The following WDFY1 variants were observed in gnomAD, a reference collection of about 807,000 sequenced individuals.
The protein encoded by WDFY1 is WD repeat and FYVE domain-containing protein 1.
WDFY1 carries 32 observed loss-of-function variants against 56.4 expected under a neutral mutation model. The observed-to-expected ratio is 0.57, with a 90% CI of 0.43 to 0.76. WDFY1 has a LOEUF of 0.76. Ranked by LOEUF, WDFY1 falls within the 30% of genes least tolerant of loss-of-function variation. The pLI, the probability that WDFY1 is intolerant of heterozygous loss-of-function variation, is 0.00. For missense variants in WDFY1, 480 were observed against 545.7 expected (o/e 0.88, Z 1.20); for synonymous variants, 192 against 197.3 (o/e 0.97, Z 0.23).
chr2:223,918,357 G>A (rs547714), intron 1 of WDFY1, among the ~76,000 whole-genome samples: 131,547 of 152,178 alleles, frequency 0.86, 57,332 homozygotes, highest in Non-Finnish European at 0.93. Context: ...GGCCAGGCGC[G>A]GTGGCTCACG....
intron 2 of WDFY1, among the ~76,000 whole-genome samples, chr2:223,912,681 C>T (rs990579671): frequency 3.9e-5 from 6 of 152,144 alleles, no homozygotes; most frequent in African/African-American, 1.4e-4. Context: ...CCCGCCCCTG[C>T]CACCCTTCCC....
intron 3 of WDFY1, among the ~76,000 whole-genome samples, chr2:223,906,534 T>TTTTA (rs146340023): frequency 2.1e-4 from 32 of 152,208 alleles, no homozygotes; most frequent in Non-Finnish European, 2.6e-4. Context: ...ATTTTCCAAA[T>TTTTA]TTTATTTATT....
chr2:223,908,115 C>T (rs1177158961), intron 3 of WDFY1, among the ~76,000 whole-genome samples: 1 of 152,132 alleles, frequency 6.6e-6, no homozygotes, highest in African/African-American at 2.4e-5. Context: ...CTAAGCCTCC[C>T]AAAGTGCTGA....
chr2:223,897,194 C>T (rs1007465716), intron 6 of WDFY1, among the ~76,000 whole-genome samples: 19 of 151,738 alleles, frequency 1.3e-4, no homozygotes, highest in Non-Finnish European at 2.8e-4. Context: ...ATCATTGATT[C>T]TTTCAGCAAC....
In WDFY1 at chr2:223,878,385, T is replaced by G. The variant is rs1284109719; in HGVS notation, c.*286A>C. 1 of 285,318 alleles carries G rather than the reference T, an allele frequency of 3.5e-6. No individual in the cohort carries two copies. The highest frequency in any genetic ancestry group is 5.1e-5 in the Admixed American group (1 of 19,728). The allele number at this position is 285,318 out of a possible 1,614,324, so 17.7% of individuals were successfully genotyped here. A position where few individuals can be genotyped will look rare whatever the true frequency, so the allele number is the denominator to read the frequency against. ...GATTTTTTGTCCCCGCTAAAACTCATTTGCTAGCTCATTCTTTCACTACAC... is the reference window on the plus strand; with the variant it reads ...GATTTTTTGTCCCCGCTAAAACTCAGTTGCTAGCTCATTCTTTCACTACAC... On this transcript the variant is annotated 3_prime_UTR_variant, in exon 12 of 12. Coordinates refer to ENST00000233055, the MANE Select transcript of WDFY1 (RefSeq NM_020830.5).
At chr2:223,916,159 G>A (rs113044075) in intron 2 of WDFY1, among the ~76,000 whole-genome samples, 1 of 152,160 alleles carries the variant, frequency 6.6e-6, no homozygotes, top group Non-Finnish European at 1.5e-5. Context: ...AGACAAAGAA[G>A]CTGGCCAGCC....
intron 1 of WDFY1, among the ~76,000 whole-genome samples, chr2:223,932,117 CTTTTTTTTTTT>C (rs35246074): frequency 5.3e-5 from 5 of 93,984 alleles, no homozygotes; most frequent in Non-Finnish European, 9.9e-5. Context: ...GTATGAGTAC[CTTTTTTTTTTT>C]TTTTTTTTTT....
intron 6 of WDFY1, 132 bp from the exon 7 acceptor site, chr2:223,895,762 T>C (rs1693356559): frequency 7.8e-7 from 1 of 1,281,280 alleles, no homozygotes; most frequent in South Asian, 1.4e-5. Flanking sequence ...AAAAGGTATC[T>C]TCATGGTGTA....
intron 2 of WDFY1, among the ~76,000 whole-genome samples, chr2:223,915,364 A>T (rs1183435822): frequency 6.6e-6 from 1 of 152,232 alleles, no homozygotes; most frequent in Non-Finnish European, 1.5e-5. Context: ...AGACAGAGAG[A>T]TCCACTGCCA....
chr2:223,928,791 T>C (rs1270085562), intron 1 of WDFY1, among the ~76,000 whole-genome samples: 1 of 152,228 alleles, frequency 6.6e-6, no homozygotes, highest in Non-Finnish European at 1.5e-5. Flanking sequence ...CCCTGGCCTA[T>C]GCTGGCCTTC....
intron 1 of WDFY1, among the ~76,000 whole-genome samples, chr2:223,943,042 G>A (rs1217250770): frequency 6.6e-6 from 1 of 151,400 alleles, no homozygotes; most frequent in African/African-American, 2.4e-5. Flanking sequence ...TTAGCTGGGC[G>A]TGGTGGCAGG....
intron 4 of WDFY1, among the ~76,000 whole-genome samples, chr2:223,905,329 T>G (rs557325097): frequency 7.2e-5 from 11 of 152,314 alleles, no homozygotes; most frequent in South Asian, 2.1e-4. Flanking sequence ...AATTCCTCAC[T>G]GAGCACCTAG....
At chr2:223,901,399 G>A (rs905529663) in intron 4 of WDFY1, 66 bp from the exon 5 acceptor site, 26 of 1,578,484 alleles carry the variant, frequency 1.6e-5, no homozygotes, top group Non-Finnish European at 2.2e-5. Flanking sequence ...AAGAACTGAG[G>A]CTCAACCTCT....
intron 1 of WDFY1, among the ~76,000 whole-genome samples, chr2:223,937,220 A>G (rs1205439685): frequency 6.6e-6 from 1 of 152,226 alleles, no homozygotes; most frequent in African/African-American, 2.4e-5. Flanking sequence ...CTCAAATGGT[A>G]TTGTCCTATT....
intron 4 of WDFY1, among the ~76,000 whole-genome samples, chr2:223,904,986 C>T (rs1693571998): frequency 6.6e-6 from 1 of 152,174 alleles, no homozygotes; most frequent in South Asian, 2.1e-4. Flanking sequence ...GTGAAAAGTG[C>T]TTACAATTCA....
chr2:223,885,715 G>T (rs1693162246), intron 8 of WDFY1, among the ~76,000 whole-genome samples: 1 of 152,188 alleles, frequency 6.6e-6, no homozygotes, highest in Non-Finnish European at 1.5e-5. Flanking sequence ...ACTTGGAAAG[G>T]CTTGCGGGGT....
intron 3 of WDFY1, among the ~76,000 whole-genome samples, chr2:223,909,075 T>A (rs1381841492): frequency 6.6e-6 from 1 of 152,174 alleles, no homozygotes; most frequent in Non-Finnish European, 1.5e-5. Flanking sequence ...ACCAGAAACC[T>A]GCTCCTGCTC....
At chr2:223,916,453 G>A (rs1395735075) in intron 2 of WDFY1, among the ~76,000 whole-genome samples, 1 of 152,194 alleles carries the variant, frequency 6.6e-6, no homozygotes, top group Non-Finnish European at 1.5e-5. Context: ...ACTGTCAAGA[G>A]CTCTTCTTTG....
chr2:223,890,543 A>G (rs1336528914), intron 8 of WDFY1, among the ~76,000 whole-genome samples: 1 of 152,234 alleles, frequency 6.6e-6, no homozygotes, highest in African/African-American at 2.4e-5. Flanking sequence ...TACTCAGAAT[A>G]TAGCATTACA....
Sources: gnomAD v4.1 joint callset for allele counts (sites outside exome capture counted in the v4.1 genomes callset) on GRCh38, gnomAD v4.1.1 for gene constraint, MANE v1.5 for transcripts, NCBI Gene and HGNC (gene_info 2026-07-23, HGNC 2026-07-21) for gene names.